CAPN3: variants seen among roughly 807,000 people sequenced by gnomAD.
CAPN3 encodes the protein calpain-3.
CAPN3 carries 88 observed loss-of-function variants against 114.0 expected under a neutral mutation model. The ratio of observed to expected loss-of-function variants is 0.77; its 90% CI spans 0.65 to 0.92. The LOEUF (loss-of-function observed/expected upper bound fraction) is 0.92, where lower values mean the gene tolerates loss of function less well. Ranked by LOEUF, CAPN3 falls within the 40% of genes least tolerant of loss-of-function variation. The pLI is 0.00. For missense variants in CAPN3, 1,028 were observed against 1,069.0 expected (o/e 0.96, Z 0.53); for synonymous variants, 386 against 382.9 (o/e 1.01, Z -0.09).
intron 16 of CAPN3, chr15:42,409,074 C>T: frequency 1.7e-6 from 1 of 575,682 alleles, no homozygotes; most frequent in Non-Finnish European, 3.1e-6. Context: ...GGCTGTATGG[C>T]CGCCATATCT....
intron 3 of CAPN3, 81 bp from the exon 4 acceptor site, chr15:42,387,671 AC>A: frequency 1.3e-6 from 2 of 1,543,380 alleles, no homozygotes; most frequent in Non-Finnish European, 1.8e-6. Flanking sequence ...GGATTCAAGA[AC>A]CCCCTGAGGA....
chr15:42,388,918 T>C lies in CAPN3; in HGVS notation c.633-10T>C. 6.2e-7 allele frequency: 1 copy of C among 1,613,662 alleles called. No homozygotes were observed. The highest frequency in any genetic ancestry group is 8.5e-7 in the Non-Finnish European group (1 of 1,179,938). ...TGTGACCCCAAATTGGTCTTCATCC[T>C]CTCTCTAAGGCTCCATGGTTCCTAC... On this transcript the variant is annotated splice_polypyrimidine_tract_variant and intron_variant, in intron 4 of 23. Coordinates refer to ENST00000397163, the MANE Select transcript of CAPN3 (RefSeq NM_000070.3).
intron 1 of CAPN3, among the ~76,000 whole-genome samples, chr15:42,363,521 T>G (rs1325049743): frequency 6.6e-6 from 1 of 152,168 alleles, no homozygotes; most frequent in Non-Finnish European, 1.5e-5. Flanking sequence ...GAACTTGACC[T>G]GTAAAGCCCA....
At chr15:42,405,997 C>A in intron 15 of CAPN3, 54 bp downstream of exon 15, 1 of 1,492,256 alleles carries the variant, frequency 6.7e-7, no homozygotes, top group Non-Finnish European at 9.4e-7. Flanking sequence ...TATGTATGTG[C>A]ATGCATGTGA....
In CAPN3 at chr15:42,408,247, A is replaced by T. The variant is rs1314049713; in HGVS notation, c.1837A>T (p.Lys613Ter). ...IFVSDRANSN[K>*]ELGVDQESEE... ...CGTTTCGGACAGAGCAAACAGCAAC[A>T]AGGAGCTGGGTGTGGACCAGGAGTC... Residue 613 changes from lysine (K) to a stop codon, truncating the protein, a stop_gained, in exon 16 of 24, where the codon AAG becomes TAG. Coordinates refer to ENST00000397163, the MANE Select transcript of CAPN3 (RefSeq NM_000070.3). LOFTEE classifies it high-confidence loss of function. The T allele has an allele frequency of 6.2e-7, 1 of 1,613,764 alleles. No homozygotes were observed. Among genetic ancestry groups the T allele is most frequent in the East Asian group, 2.2e-5 (1 of 44,860 alleles).
chr15:42,381,791 G>A (rs2053257814), intron 1 of CAPN3, among the ~76,000 whole-genome samples: 1 of 152,130 alleles, frequency 6.6e-6, no homozygotes, highest in Non-Finnish European at 1.5e-5. Context: ...GCCCACCTCA[G>A]CCTCCCAAAA....
chr15:42,365,764 C>T lies in CAPN3; in HGVS notation c.309+5650C>T, dbSNP rs2052762624. 2.0e-5 allele frequency among the ~76,000 whole-genome samples: 3 copies of T among 152,112 alleles called. No homozygotes were observed. In the South Asian group the frequency reaches 6.2e-4, roughly 32 times the overall value. On this transcript the variant is annotated intron_variant, in intron 1 of 23. Coordinates refer to ENST00000397163, the MANE Select transcript of CAPN3 (RefSeq NM_000070.3). ...TCCATCTGTGCTTTGCCCAGTAGTCCAACCTCACCCTTAGCCCTGCTCTTC... is the reference window on the plus strand; with the variant it reads ...TCCATCTGTGCTTTGCCCAGTAGTCTAACCTCACCCTTAGCCCTGCTCTTC...
At chr15:42,377,221 C>G (rs1353748584) in intron 1 of CAPN3, among the ~76,000 whole-genome samples, 1 of 152,030 alleles carries the variant, frequency 6.6e-6, no homozygotes, top group Non-Finnish European at 1.5e-5. Flanking sequence ...AGGAGTGGTA[C>G]AGGAGGACAT....
intron 9 of CAPN3, among the ~76,000 whole-genome samples, chr15:42,398,590 TACACAC>T (rs376966106): frequency 0.096 from 11,555 of 120,220 alleles, 590 homozygotes; most frequent in South Asian, 0.14. Flanking sequence ...TCTCAAAAAA[TACACAC>T]ACACACACAC....
chr15:42,379,836 G>C (rs1024460256), intron 1 of CAPN3, among the ~76,000 whole-genome samples: 1 of 151,904 alleles, frequency 6.6e-6, no homozygotes, highest in African/African-American at 2.4e-5. Context: ...GGGTTTCTTG[G>C]CCAGGCATGG....
Position 42,384,500 on chromosome 15 carries a change from C to T in CAPN3, c.327C>T (p.Pro109=), listed in dbSNP as rs779130436. 10 of 1,613,772 alleles carry T rather than the reference C, an allele frequency of 6.2e-6. No individual in the cohort carries two copies. The African/African-American group carries it at 1.1e-4, about 17-fold the overall frequency. Residue 109 remains proline, a synonymous_variant, in exon 2 of 24, where the codon CCC becomes CCT. Coordinates refer to ENST00000397163, the MANE Select transcript of CAPN3 (RefSeq NM_000070.3). The part of the protein sequence containing the change: ...WKRPPEICEN[P]RFIIDGANRT... ...TTTCACAGGAAATTTGCGAGAATCC[C>T]CGATTTATCATTGATGGAGCCAACA...
At position 42,388,926 on chromosome 15, in the gene CAPN3, A is replaced by G; in HGVS notation, c.633-2A>G. On this transcript the variant is annotated splice_acceptor_variant, in intron 4 of 23. Coordinates refer to ENST00000397163, the MANE Select transcript of CAPN3 (RefSeq NM_000070.3). LOFTEE classifies it high-confidence loss of function. Reference sequence around the variant, plus strand: ...CAAATTGGTCTTCATCCTCTCTCTAAGGCTCCATGGTTCCTACGAAGCTCT... The same window carrying G: ...CAAATTGGTCTTCATCCTCTCTCTAGGGCTCCATGGTTCCTACGAAGCTCT... 1.9e-6 allele frequency: 3 copies of G among 1,613,818 alleles called. No homozygotes were observed. In the South Asian group the frequency reaches 3.3e-5, roughly 18 times the overall value.
rs766523095 is a variant in CAPN3 at position 42,389,019 on chromosome 15, AG to A, written c.727del (p.Asp243MetfsTer10). ...TGGVAEFFEI[R>X]DAPSDMYKIM... is the part of the protein sequence containing the mutation. ...AGGGGTGGCAGAGTTTTTTGAGATC[AG>A]GGATGCTCCTAGTGACATGTACAAG... is the stretch of plus-strand genomic sequence containing the variant. On this transcript the variant is annotated frameshift_variant, in exon 5 of 24. Coordinates refer to ENST00000397163, the MANE Select transcript of CAPN3 (RefSeq NM_000070.3). LOFTEE classifies it high-confidence loss of function. 1.4e-5 allele frequency: 22 copies of A among 1,614,108 alleles called. No homozygotes were observed. The highest frequency in any genetic ancestry group is 1.9e-5 in the Non-Finnish European group (22 of 1,180,012).
intron 10 of CAPN3, among the ~76,000 whole-genome samples, 162 bp from the exon 11 acceptor site, chr15:42,401,479 C>G (rs979961263): frequency 4.7e-5 from 6 of 128,082 alleles, no homozygotes; most frequent in Non-Finnish European, 8.6e-5. Flanking sequence ...TAGCGCCCCC[C>G]CCCCCCCCAA....
intron 8 of CAPN3, among the ~76,000 whole-genome samples, chr15:42,395,469 C>G (rs905300686): frequency 6.6e-6 from 1 of 152,154 alleles, no homozygotes; most frequent in Non-Finnish European, 1.5e-5. Context: ...ATGAGTGCCA[C>G]AGTAAGGATC....
At position 42,398,656 on chromosome 15, in the gene CAPN3, T is replaced by TAC. The variant is rs781020980; in HGVS notation, c.1194-828_1194-827dup. Among the ~76,000 whole-genome samples the TAC allele has an allele frequency of 7.5e-5, 11 of 147,434 alleles. No individual in the cohort carries two copies. In the East Asian group the frequency reaches 2.2e-3, roughly 29 times the overall value. The stretch of plus-strand genomic sequence containing the variant: ...ACACATATATATACACACATATATA[T>TAC]ACACACACATATACACACACACACG... On this transcript the variant is annotated intron_variant, in intron 9 of 23. Coordinates refer to ENST00000397163, the MANE Select transcript of CAPN3 (RefSeq NM_000070.3).
intron 9 of CAPN3, among the ~76,000 whole-genome samples, chr15:42,398,583 CAA>C (rs368896345): frequency 0.038 from 4,727 of 124,622 alleles, 77 homozygotes; most frequent in African/African-American, 0.049. Flanking sequence ...GACTCTGTCT[CAA>C]AAAATACACA....
rs1395753978 is a variant in CAPN3 at position 42,359,947 on chromosome 15, A to G, written c.142A>G (p.Ser48Gly). ...NPSGIYSAII[S>G]RNFPIIGVKE... ...AAGTGGCATCTATTCAGCCATCATC[A>G]GCCGCAATTTTCCTATTATCGGAGT... Residue 48 changes from serine to glycine, a missense_variant, in exon 1 of 24, where the codon AGC (serine) becomes GGC (glycine). By Grantham distance (56) the Ser-to-Gly change is moderately conservative. Transcript: ENST00000397163. 2 of 1,614,230 alleles carry G rather than the reference A, an allele frequency of 1.2e-6. No homozygotes were observed. The highest frequency in any genetic ancestry group is 8.5e-7 in the Non-Finnish European group (1 of 1,180,038).
chr15:42,376,835 C>G (rs2053101413), intron 1 of CAPN3, among the ~76,000 whole-genome samples: 1 of 152,178 alleles, frequency 6.6e-6, no homozygotes, highest in Non-Finnish European at 1.5e-5. Context: ...TCTCACATAT[C>G]TGTAAATATT....
Sources: gnomAD v4.1 joint callset for allele counts (sites outside exome capture counted in the v4.1 genomes callset) on GRCh38, gnomAD v4.1.1 for gene constraint, MANE v1.5 for transcripts, NCBI Gene and HGNC (gene_info 2026-07-23, HGNC 2026-07-21) for gene names.